Variants in KMT2A observed in about 807,000 individuals in gnomAD.
KMT2A encodes the protein histone-lysine N-methyltransferase 2A.
A neutral mutation model predicts 345.3 loss-of-function variants in KMT2A; 16 were observed. That is an observed-to-expected ratio of 0.05 (90% confidence interval 0.03 to 0.07). KMT2A has a LOEUF of 0.07. Ranked by LOEUF, KMT2A falls within the 10% of genes least tolerant of loss-of-function variation. The pLI is 1.00. For missense variants in KMT2A, 3,272 were observed against 4,841.6 expected (o/e 0.68, Z 9.62); for synonymous variants, 1,599 against 1,778.6 (o/e 0.90, Z 2.54).
In KMT2A at chr11:118,468,636, G is replaced by A. The variant is rs1158131833; in HGVS notation, c.433-139G>A. The A allele has an allele frequency of 4.1e-5, 27 of 654,692 alleles. No homozygotes were observed. The African/African-American group carries it at 4.9e-4, about 12-fold the overall frequency. 40.6% of individuals were successfully genotyped at this position (654,692 alleles called of 1,614,324 possible). Reference sequence around the variant, plus strand: ...TTATTTCAATATTAGTTATTTTATAGTATCCATTGGAATGATGATAATTAA... The same window carrying A: ...TTATTTCAATATTAGTTATTTTATAATATCCATTGGAATGATGATAATTAA... On this transcript the variant is annotated intron_variant, in intron 1 of 35. Transcript: ENST00000534358.
chr11:118,484,757 CT>C lies in KMT2A; in HGVS notation c.4219-104del. On this transcript the variant is annotated intron_variant, in intron 9 of 35. Coordinates refer to ENST00000534358, the MANE Select transcript of KMT2A (RefSeq NM_001197104.2). The surrounding 1 kb of genome is among the most constrained non-coding windows in gnomAD (Gnocchi z 4.1). The stretch of plus-strand genomic sequence containing the variant: ...TTTTTGGACTCATTGAAATGAAATA[CT>C]CTGACATTGTGATGTCACACTAATT... 1 of 772,082 alleles carries C rather than the reference CT, an allele frequency of 1.3e-6. No individual in the cohort carries two copies. Among genetic ancestry groups the C allele is most frequent in the Non-Finnish European group, 2.3e-6 (1 of 441,792 alleles). 47.8% of individuals were successfully genotyped at this position (772,082 alleles called of 1,614,324 possible).
Position 118,491,707 on chromosome 11 carries a change from C to T in KMT2A, c.4820-37C>T. 1 of 1,489,848 alleles carries T rather than the reference C, an allele frequency of 6.7e-7. No homozygotes were observed. Among genetic ancestry groups the T allele is most frequent in the Non-Finnish European group, 9.2e-7 (1 of 1,089,380 alleles). The allele number at this position is 1,489,848 out of a possible 1,614,324, so 92.3% of individuals were successfully genotyped here. On this transcript the variant is annotated intron_variant, in intron 14 of 35. Coordinates refer to ENST00000534358, the MANE Select transcript of KMT2A (RefSeq NM_001197104.2). The surrounding 1 kb of genome is among the most constrained non-coding windows in gnomAD (Gnocchi z 4.2). The stretch of plus-strand genomic sequence containing the variant: ...CCTCTTCTTCCTCTCTCTCATTCTT[C>T]AGAGGACCTCATCATGGTAGGTTTT...
In KMT2A at chr11:118,505,154, A is replaced by T. The variant is rs1251672704; in HGVS notation, c.9262A>T (p.Met3088Leu). Residue 3088 changes from methionine to leucine, a missense_variant, in exon 27 of 36, where the codon ATG becomes TTG. By Grantham distance (15) the Met-to-Leu change is conservative. This residue lies in a region of KMT2A where 748 missense variants were observed against 922.2 expected (regional missense o/e 0.81). Transcript: ENST00000534358. This position sits in a 1 kb window ranked among gnomAD's most constrained non-coding sequence, Gnocchi z 4.6. The part of the protein sequence containing the change: ...TEKLIVVNQN[M>L]QPLYVLQTLP... ...GAAACTCATAGTTGTTAACCAGAAC[A>T]TGCAGCCACTTTATGTTCTCCAAAC... 1.2e-6 allele frequency: 2 copies of T among 1,614,200 alleles called. No individual in the cohort carries two copies. Among genetic ancestry groups the T allele is most frequent in the Admixed American group, 3.3e-5 (2 of 60,030 alleles).
chr11:118,515,837 C>T (rs1011078344), intron 31 of KMT2A, among the ~76,000 whole-genome samples: 3 of 151,950 alleles, frequency 2.0e-5, no homozygotes, highest in African/African-American at 4.8e-5. Flanking sequence ...TACAGGTACA[C>T]GCCACCACAC....
At chr11:118,467,420 AGAG>A (rs1949866113) in intron 1 of KMT2A, among the ~76,000 whole-genome samples, 1 of 152,182 alleles carries the variant, frequency 6.6e-6, no homozygotes, top group South Asian at 2.1e-4. Context: ...ATGTCTTTGA[AGAG>A]GAGAATTTCA....
At position 118,486,407 on chromosome 11, in the gene KMT2A, C is replaced by T. The variant is rs7932119; in HGVS notation, c.4332+1432C>T. 1.5e-3 allele frequency among the ~76,000 whole-genome samples: 221 copies of T among 149,360 alleles called. 1 individual carries two copies. Among genetic ancestry groups the T allele is most frequent in the African/African-American group, 5.2e-3 (211 of 40,610 alleles). On this transcript the variant is annotated intron_variant, in intron 10 of 35. Coordinates refer to ENST00000534358, the MANE Select transcript of KMT2A (RefSeq NM_001197104.2). Reference sequence around the variant, plus strand: ...TTTTTTAATCTTTCTGAGTTTTTTGCAGTATGTACCACCTTTACAATGAGG... The same window carrying T: ...TTTTTTAATCTTTCTGAGTTTTTTGTAGTATGTACCACCTTTACAATGAGG...
In KMT2A at chr11:118,443,655, AAG is replaced by A. The variant is rs199962004; in HGVS notation, c.432+6714_432+6715del. Among the ~76,000 whole-genome samples the A allele has an allele frequency of 8.1e-3, 1,233 of 152,342 alleles. 9 individuals are homozygous for A. The highest frequency in any genetic ancestry group is 0.014 in the Non-Finnish European group (925 of 68,022). On this transcript the variant is annotated intron_variant, in intron 1 of 35. Coordinates refer to ENST00000534358, the MANE Select transcript of KMT2A (RefSeq NM_001197104.2). ...AGTTTTAAGGAAACAACAAAGATAT[AAG>A]AGTTAGTTGGCAGTTTTGTGTGCAG...
At chr11:118,511,928 G>C (rs782816031) in intron 30 of KMT2A, 23 bp from the exon 31 acceptor site, 1 of 1,607,658 alleles carries the variant, frequency 6.2e-7, no homozygotes, top group Non-Finnish European at 8.5e-7. Context: ...TCTGGCTTAC[G>C]GGTTTTCTTT....
rs514924 is a variant in KMT2A at position 118,476,148 on chromosome 11, A to G, written c.3157-657A>G. Among the ~76,000 whole-genome samples the G allele has an allele frequency of 0.84, 127,780 of 152,090 alleles. 54,363 individuals carry two copies. The highest frequency in any genetic ancestry group is 0.9 in the Admixed American group (13,833 of 15,290). ...TCAAACTCCCGACCTCAGGTGATCT[A>G]CCCGCCTCGGCCTCCCAAAGTGCTG... is the stretch of plus-strand genomic sequence containing the variant. On this transcript the variant is annotated intron_variant, in intron 3 of 35. Coordinates refer to ENST00000534358, the MANE Select transcript of KMT2A (RefSeq NM_001197104.2). This position sits in a 1 kb window ranked among gnomAD's most constrained non-coding sequence, Gnocchi z 4.1.
chr11:118,487,973 G>A (rs932206301), intron 10 of KMT2A, among the ~76,000 whole-genome samples: 1 of 152,258 alleles, frequency 6.6e-6, no homozygotes, highest in Non-Finnish European at 1.5e-5. Flanking sequence ...AAGGTCAGGA[G>A]ATTGAGACCA....
At chr11:118,483,431 A>G (rs1555039953) in intron 8 of KMT2A, among the ~76,000 whole-genome samples, 2 of 148,014 alleles carry the variant, frequency 1.4e-5, no homozygotes, top group African/African-American at 2.5e-5. Flanking sequence ...TACTCAGGAG[A>G]GTGAGGCAGG....
rs2135282650 is a variant in KMT2A at position 118,519,688 on chromosome 11, T to A, written c.11217T>A (p.Gly3739=). The A allele has an allele frequency of 1.9e-6, 3 of 1,614,176 alleles. No individual in the cohort carries two copies. Among genetic ancestry groups the A allele is most frequent in the Non-Finnish European group, 2.5e-6 (3 of 1,180,038 alleles). ...AVVFLIEQLS[G]AKHCRNYKFR... ...TGTTCCTCATTGAGCAGCTGTCTGG[T>A]GCCAAGCACTGTCGAAATTACAAAT... The change falls in exon 32 of 36, where the codon GGT becomes GGA. Residue 3739 remains glycine (G), a synonymous_variant. Coordinates refer to ENST00000534358, the MANE Select transcript of KMT2A (RefSeq NM_001197104.2).
In KMT2A at chr11:118,436,664, C is replaced by G. The variant is rs1949187148; in HGVS notation, c.152C>G (p.Pro51Arg). The G allele has an allele frequency of 5.8e-6, 7 of 1,208,154 alleles. No homozygotes were observed. Among genetic ancestry groups the G allele is most frequent in the Non-Finnish European group, 7.2e-6 (7 of 970,488 alleles). The allele number at this position is 1,208,154 out of a possible 1,614,324, so 74.8% of individuals were successfully genotyped here. A position where few individuals can be genotyped will look rare whatever the true frequency, so the allele number is the denominator to read the frequency against. The change falls in exon 1 of 36, where the codon CCC becomes CGC. Residue 51 changes from proline to arginine, a missense_variant. Pro to Arg is a moderately radical substitution (Grantham distance 103, BLOSUM62 -2). Transcript: ENST00000534358. This position sits in a 1 kb window ranked among gnomAD's most constrained non-coding sequence, Gnocchi z 6.9. ...GGGCCCCCGGTCGGCGGTGGCGGCC[C>G]CGGGGCGCCCCCCTCCCCCCCGGCT... Reference protein sequence around the residue: ...PPGPPVGGGGPGAPPSPPAVA... With the variant: ...PPGPPVGGGGRGAPPSPPAVA...
chr11:118,484,778 C>T lies in KMT2A; in HGVS notation c.4219-84C>T. ...AATACTCTGACATTGTGATGTCACA[C>T]TAATTTTATGCTTTTCATCCTTATT... On this transcript the variant is annotated intron_variant, in intron 9 of 35. Coordinates refer to ENST00000534358, the MANE Select transcript of KMT2A (RefSeq NM_001197104.2). The surrounding 1 kb of genome is among the most constrained non-coding windows in gnomAD (Gnocchi z 4.1). The T allele has an allele frequency of 1.1e-6, 1 of 887,042 alleles. No individual in the cohort carries two copies. The highest frequency in any genetic ancestry group is 1.9e-6 in the Non-Finnish European group (1 of 533,254). The allele number at this position is 887,042 out of a possible 1,614,324, so 54.9% of individuals were successfully genotyped here.
Position 118,490,131 on chromosome 11 carries a change from C to G in KMT2A, c.4578C>G (p.Ile1526Met), listed in dbSNP as rs1555042082. Reference protein sequence around the residue: ...TKPTKKKKVWICTKCVRCKSC... With the variant: ...TKPTKKKKVWMCTKCVRCKSC... ...GAATTTCTTTTCTTCTTTTCTAGAT[C>G]TGTACCAAGTGTGTTCGCTGTAAGA... The change falls in exon 13 of 36, where the codon ATC becomes ATG. Residue 1526 changes from isoleucine (I) to methionine (M), a missense_variant and splice_region_variant. Ile to Met is a conservative substitution (Grantham distance 10). This residue lies in a region of KMT2A where 120 missense variants were observed against 280.4 expected (regional missense o/e 0.43). Transcript: ENST00000534358. This position sits in a 1 kb window ranked among gnomAD's most constrained non-coding sequence, Gnocchi z 4.2. 6.2e-7 allele frequency: 1 copy of G among 1,607,908 alleles called. No individual in the cohort carries two copies. The highest frequency in any genetic ancestry group is 1.7e-5 in the Admixed American group (1 of 58,394).
At chr11:118,483,861 G>A (rs1950185025) in intron 8 of KMT2A, among the ~76,000 whole-genome samples, 1 of 152,046 alleles carries the variant, frequency 6.6e-6, no homozygotes, top group Admixed American at 6.6e-5. Flanking sequence ...GTGACACACA[G>A]TTGCTATAAA....
intron 1 of KMT2A, among the ~76,000 whole-genome samples, chr11:118,447,328 A>G (rs1160653751): frequency 6.6e-6 from 1 of 152,124 alleles, no homozygotes; most frequent in Non-Finnish European, 1.5e-5. Context: ...TTTATATAGT[A>G]TTTGTTGAAT....
Position 118,496,240 on chromosome 11 carries a change from G to A in KMT2A, c.5558-21G>A. 6.5e-7 allele frequency: 1 copy of A among 1,532,056 alleles called. No homozygotes were observed. Among genetic ancestry groups the A allele is most frequent in the Non-Finnish European group, 9.0e-7 (1 of 1,105,902 alleles). 94.9% of individuals were successfully genotyped at this position (1,532,056 alleles called of 1,614,324 possible). ...TTTAACTGGATCTCAAGGTATTGAT[G>A]GGAGTCTTTTGGATTTCAAGGTACT... On this transcript the variant is annotated intron_variant, in intron 19 of 35. Transcript: ENST00000534358. This position sits in a 1 kb window ranked among gnomAD's most constrained non-coding sequence, Gnocchi z 4.7.
chr11:118,438,374 G>T, intron 1 of KMT2A, among the ~76,000 whole-genome samples: 1 of 151,456 alleles, frequency 6.6e-6, no homozygotes, highest in East Asian at 2.0e-4. Context: ...TTGAGTTCAG[G>T]TTCAGCCAGT....
Sources: allele counts gnomAD v4.1 joint callset (sites outside exome capture counted in the v4.1 genomes callset), GRCh38; gene constraint gnomAD v4.1.1; regional missense constraint gnomAD v4.1.1; non-coding constraint Gnocchi (gnomAD v3.1); transcripts MANE v1.5; gene names NCBI Gene and HGNC (gene_info 2026-07-23, HGNC 2026-07-21).